Variants in ALDH1A2 observed in about 807,000 individuals in gnomAD.
ALDH1A2 encodes retinal dehydrogenase 2.
A neutral mutation model predicts 60.3 loss-of-function variants in ALDH1A2; 27 were observed. That is an observed-to-expected ratio of 0.45 (90% CI 0.33 to 0.62). ALDH1A2 has a LOEUF of 0.62. ALDH1A2 is among the 20% of genes least tolerant of loss of function. The pLI, the probability that ALDH1A2 is intolerant of heterozygous loss-of-function variation, is 0.02. For synonymous variants in ALDH1A2, 289 were observed against 232.4 expected (o/e 1.24, Z -2.21); for missense variants, 581 against 643.8 (o/e 0.90, Z 1.06).
intron 1 of ALDH1A2, among the ~76,000 whole-genome samples, chr15:58,022,007 G>A (rs897863472): frequency 6.6e-6 from 1 of 152,164 alleles, no homozygotes; most frequent in African/African-American, 2.4e-5. Context: ...TTCCCCACCT[G>A]CCGGTCCAGG....
intron 1 of ALDH1A2, among the ~76,000 whole-genome samples, chr15:58,055,871 C>A (rs1487205520): frequency 6.6e-6 from 1 of 151,426 alleles, no homozygotes; most frequent in Non-Finnish European, 1.5e-5. Context: ...GTATATTATT[C>A]TTGAATAATG....
chr15:58,001,443 TG>T (rs1895266589), intron 4 of ALDH1A2, among the ~76,000 whole-genome samples: 1 of 151,760 alleles, frequency 6.6e-6, no homozygotes, highest in Non-Finnish European at 1.5e-5. Context: ...CATGGAAACT[TG>T]TTATAAAGGG....
intron 1 of ALDH1A2, among the ~76,000 whole-genome samples, chr15:58,057,289 A>C (rs1360236508): frequency 6.6e-6 from 1 of 151,852 alleles, no homozygotes; most frequent in East Asian, 1.9e-4. Flanking sequence ...ACATATGTTT[A>C]ACAAGCTAAT....
At chr15:57,973,295 G>C (rs1034948039) in intron 7 of ALDH1A2, among the ~76,000 whole-genome samples, 1 of 152,176 alleles carries the variant, frequency 6.6e-6, no homozygotes, top group Non-Finnish European at 1.5e-5. Flanking sequence ...AGCTGCATAA[G>C]GAGAAATTAA....
Position 58,065,572 on chromosome 15 carries a change from G to A in ALDH1A2, c.79C>T (p.Pro27Ser), listed in dbSNP as rs780321286. The change falls in exon 1 of 13, where the codon CCG becomes TCG. Residue 27 changes from proline to serine, a missense_variant. By Grantham distance (74) the Pro-to-Ser change is moderately conservative (BLOSUM62 -1). Transcript: ENST00000249750. ...ATTTCGAGATTGGGCGTGGGCGACG[G>A]CAGGAGGTGCAGCGACGCCATGAGG... ...AALMASLHLL[P>S]SPTPNLEIKY... 9.3e-6 allele frequency: 15 copies of A among 1,613,416 alleles called. No homozygotes were observed. The highest frequency in any genetic ancestry group is 1.3e-5 in the Non-Finnish European group (15 of 1,179,662).
intron 7 of ALDH1A2, among the ~76,000 whole-genome samples, chr15:57,989,446 A>G (rs1302527222): frequency 6.6e-6 from 1 of 152,212 alleles, no homozygotes; most frequent in Non-Finnish European, 1.5e-5. Context: ...AATTTCTTCT[A>G]AAAGAATAAA....
intron 12 of ALDH1A2, among the ~76,000 whole-genome samples, chr15:57,956,579 C>T (rs1893533692): frequency 6.6e-6 from 1 of 152,144 alleles, no homozygotes; most frequent in African/African-American, 2.4e-5. Context: ...GTTCTCCTGT[C>T]CGTATAGTTC....
At chr15:57,957,395 T>A (rs115916235) in intron 12 of ALDH1A2, among the ~76,000 whole-genome samples, 1,934 of 152,272 alleles carry the variant, frequency 0.013, 44 homozygotes, top group African/African-American at 0.043. Flanking sequence ...GAGAGACAGA[T>A]GGTCATGTGG....
chr15:58,019,219 A>G (rs2030694879), intron 1 of ALDH1A2, among the ~76,000 whole-genome samples: 1 of 150,318 alleles, frequency 6.7e-6, no homozygotes, highest in Non-Finnish European at 1.5e-5. Context: ...TAAATGCCCC[A>G]AACAAATTTG....
At chr15:58,045,448 T>C (rs1342502179) in intron 1 of ALDH1A2, among the ~76,000 whole-genome samples, 3 of 152,118 alleles carry the variant, frequency 2.0e-5, no homozygotes, top group Admixed American at 6.6e-5. Flanking sequence ...CGCACACGTA[T>C]GTTTATTGCG....
chr15:57,993,691 G>A (rs1418803858), intron 5 of ALDH1A2, among the ~76,000 whole-genome samples: 3 of 152,200 alleles, frequency 2.0e-5, no homozygotes, highest in Non-Finnish European at 4.4e-5. Context: ...ATGAGTAGAT[G>A]AGGTTGGGGT....
rs140155486 is a variant in ALDH1A2 at position 58,037,804 on chromosome 15, A to G, written c.118-23523T>C. ...AAGAAGCCATGCAAATTAAAGCAGA[A>G]ATAAAGATAAGAGGTCCCTGGCAAC... On this transcript the variant is annotated intron_variant, in intron 1 of 12. Coordinates refer to ENST00000249750, the MANE Select transcript of ALDH1A2 (RefSeq NM_003888.4). 3.5e-3 allele frequency among the ~76,000 whole-genome samples: 532 copies of G among 151,868 alleles called. 6 individuals carry two copies. The highest frequency in any genetic ancestry group is 0.012 in the East Asian group (60 of 5,138).
chr15:58,005,174 C>T (rs1239182265), intron 4 of ALDH1A2, among the ~76,000 whole-genome samples: 1 of 151,852 alleles, frequency 6.6e-6, no homozygotes, highest in African/African-American at 2.4e-5. Flanking sequence ...ACTCCCACTG[C>T]CTGTAATGTC....
intron 4 of ALDH1A2, among the ~76,000 whole-genome samples, chr15:58,003,554 C>T (rs1683586188): frequency 6.6e-6 from 1 of 151,822 alleles, no homozygotes; most frequent in Non-Finnish European, 1.5e-5. Flanking sequence ...CAGAATTCAG[C>T]TTAAAACATG....
chr15:57,997,184 G>A (rs1157001510), intron 4 of ALDH1A2, among the ~76,000 whole-genome samples: 1 of 152,048 alleles, frequency 6.6e-6, no homozygotes, highest in Non-Finnish European at 1.5e-5. Context: ...TATGAAGTCT[G>A]AGTAATACTT....
At chr15:58,058,102 T>C in intron 1 of ALDH1A2, 1 of 1,527,730 alleles carries the variant, frequency 6.5e-7, no homozygotes, top group Non-Finnish European at 8.8e-7. Flanking sequence ...AAGTCCAATT[T>C]TCACACCTAG....
chr15:57,991,289 T>C (rs998928259), intron 7 of ALDH1A2: 1 of 152,202 alleles, frequency 6.6e-6, no homozygotes, highest in East Asian at 1.9e-4. Context: ...AATAATTCCC[T>C]TTCATACTCA....
Position 58,065,518 on chromosome 15 carries a change from C to T in ALDH1A2, c.117+16G>A, listed in dbSNP as rs1225982172. The stretch of plus-strand genomic sequence containing the variant: ...AGAAAGTCTCCGTGGACGACGGGCG[C>T]TGGGCGGCCGCTTACCTTGGTGTAC... On this transcript the variant is annotated intron_variant, in intron 1 of 12. Transcript: ENST00000249750. 1 of 1,600,714 alleles carries T rather than the reference C, an allele frequency of 6.2e-7. No individual in the cohort carries two copies. Among genetic ancestry groups the T allele is most frequent in the African/African-American group, 1.3e-5 (1 of 74,658 alleles).
At chr15:57,996,681 A>G (rs1164660184) in intron 4 of ALDH1A2, among the ~76,000 whole-genome samples, 1 of 151,852 alleles carries the variant, frequency 6.6e-6, no homozygotes, top group African/African-American at 2.4e-5. Flanking sequence ...ATATCTTTTC[A>G]TATCTGTGGA....
Sources: gnomAD v4.1 joint callset for allele counts (sites outside exome capture counted in the v4.1 genomes callset) on GRCh38, gnomAD v4.1.1 for gene constraint, MANE v1.5 for transcripts, NCBI Gene and HGNC (gene_info 2026-07-23, HGNC 2026-07-21) for gene names.